Variants in DCAF5 observed in about 807,000 individuals in gnomAD.
DCAF5 encodes DDB1 and CUL4 associated factor 5, also known as DDB1- and CUL4-associated factor 5.
Under a neutral mutation model 80.7 loss-of-function variants are expected in DCAF5, and 9 were observed. The observed-to-expected ratio is 0.11, with a 90% CI of 0.07 to 0.19. DCAF5 has a LOEUF of 0.19. Among genes scored for constraint, DCAF5 ranks in the 10% least tolerant of loss-of-function variants. The pLI, the probability that DCAF5 is intolerant of heterozygous loss-of-function variation, is 1.00. For synonymous variants in DCAF5, 433 were observed against 461.9 expected, an observed-to-expected ratio of 0.94 and a Z score of 0.80; for missense variants, 842 against 1,205.7, an observed-to-expected ratio of 0.70 and a Z score of 4.47.
At chr14:69,123,245 T>C (rs189491169) in intron 1 of DCAF5, among the ~76,000 whole-genome samples, 5 of 152,344 alleles carry the variant, frequency 3.3e-5, no homozygotes, top group African/African-American at 9.6e-5. Flanking sequence ...ATGTAATCCA[T>C]TTGCATAAAA....
chr14:69,083,481 G>A (rs2139936009), intron 6 of DCAF5: 1 of 328,516 alleles, frequency 3.0e-6, no homozygotes, highest in Admixed American at 3.6e-5. Flanking sequence ...TAAAGTTGCA[G>A]GGGGCCTCAA....
chr14:69,141,382 C>T (rs1408197643), intron 1 of DCAF5, among the ~76,000 whole-genome samples: 1 of 151,524 alleles, frequency 6.6e-6, no homozygotes, highest in Non-Finnish European at 1.5e-5. Flanking sequence ...ACTTTAAGTT[C>T]TAGGGTACAT....
At chr14:69,080,913 A>AAAT (rs2039075115) in intron 6 of DCAF5, among the ~76,000 whole-genome samples, 1 of 152,236 alleles carries the variant, frequency 6.6e-6, no homozygotes, top group Admixed American at 6.5e-5. Context: ...TGAATATGAA[A>AAAT]AATTCATTGC....
chr14:69,138,506 C>CAATG (rs906770503), intron 1 of DCAF5, among the ~76,000 whole-genome samples: 6 of 152,194 alleles, frequency 3.9e-5, no homozygotes, highest in African/African-American at 1.4e-4. Flanking sequence ...ACTGCAGATA[C>CAATG]AATGTACTGG....
At chr14:69,122,133 A>G (rs1383010418) in intron 2 of DCAF5, 84 bp downstream of exon 2, 2 of 1,506,214 alleles carry the variant, frequency 1.3e-6, no homozygotes, top group Non-Finnish European at 1.8e-6. Flanking sequence ...AAATACAGGA[A>G]GAAAAATAAG....
At chr14:69,096,546 G>A (rs891809022) in intron 5 of DCAF5, among the ~76,000 whole-genome samples, 2 of 152,074 alleles carry the variant, frequency 1.3e-5, no homozygotes, top group South Asian at 2.1e-4. Context: ...TATGGATGGC[G>A]GGCACTGCAG....
intron 7 of DCAF5, among the ~76,000 whole-genome samples, chr14:69,064,178 G>C (rs989098852): frequency 2.6e-5 from 4 of 152,104 alleles, no homozygotes; most frequent in Non-Finnish European, 4.4e-5. Context: ...GGATAAATAG[G>C]AATCTAAAGA....
At chr14:69,147,949 G>A (rs936767536) in intron 1 of DCAF5, among the ~76,000 whole-genome samples, 2 of 151,958 alleles carry the variant, frequency 1.3e-5, no homozygotes, top group African/African-American at 4.8e-5. Context: ...ATTCCAAAGA[G>A]CCAAATCTTT....
chr14:69,072,119 A>G (rs1283720142), intron 7 of DCAF5, among the ~76,000 whole-genome samples: 1 of 152,212 alleles, frequency 6.6e-6, no homozygotes, highest in Non-Finnish European at 1.5e-5. Flanking sequence ...TTTGGCTTTT[A>G]AGAGCCATAG....
At chr14:69,140,512 T>C (rs1231470885) in intron 1 of DCAF5, among the ~76,000 whole-genome samples, 1 of 152,180 alleles carries the variant, frequency 6.6e-6, no homozygotes, top group Non-Finnish European at 1.5e-5. Context: ...AATATCAATA[T>C]CACATCCACT....
At chr14:69,066,612 T>G (rs1160976996) in intron 7 of DCAF5, among the ~76,000 whole-genome samples, 1 of 152,176 alleles carries the variant, frequency 6.6e-6, no homozygotes, top group Non-Finnish European at 1.5e-5. Flanking sequence ...GTATCAGTAA[T>G]CCACTTACTA....
At position 69,118,431 on chromosome 14, in the gene DCAF5, G is replaced by C. The variant is rs2040606084; in HGVS notation, c.396-153C>G. On this transcript the variant is annotated intron_variant, in intron 3 of 8. Transcript: ENST00000341516. The surrounding 1 kb of genome is among the most constrained non-coding windows in gnomAD (Gnocchi z 4.0). Reference sequence around the variant, plus strand: ...AAAATATTATATTTCCTGAAAGGTAGGTAGTCAACTTTCAGGTTAAAAAAA... The same window carrying C: ...AAAATATTATATTTCCTGAAAGGTACGTAGTCAACTTTCAGGTTAAAAAAA... Among the ~76,000 whole-genome samples the C allele has an allele frequency of 6.6e-6, 1 of 152,002 alleles. No homozygotes were observed. The highest frequency in any genetic ancestry group is 1.9e-4 in the East Asian group (1 of 5,184).
intron 1 of DCAF5, among the ~76,000 whole-genome samples, chr14:69,143,347 C>T (rs1241570889): frequency 6.6e-6 from 1 of 152,116 alleles, no homozygotes; most frequent in Non-Finnish European, 1.5e-5. Flanking sequence ...GGAAATCTAG[C>T]TCCACCATAA....
intron 6 of DCAF5, among the ~76,000 whole-genome samples, chr14:69,088,820 T>C (rs1259268203): frequency 6.6e-6 from 1 of 152,120 alleles, no homozygotes; most frequent in African/African-American, 2.4e-5. Context: ...CTATGGAAAC[T>C]GAAAGCAGAA....
At chr14:69,075,248 G>T in intron 7 of DCAF5, 97 bp downstream of exon 7, 1 of 825,532 alleles carries the variant, frequency 1.2e-6, no homozygotes, top group East Asian at 2.8e-5. Context: ...TAGAAATGTT[G>T]TCCTCTACTG....
chr14:69,054,508 T>C lies in DCAF5; in HGVS notation c.2178A>G (p.Glu726=), dbSNP rs200580853. The change falls in exon 9 of 9, where the codon GAA becomes GAG. Residue 726 remains glutamate, a synonymous_variant. Coordinates refer to ENST00000341516, the MANE Select transcript of DCAF5 (RefSeq NM_003861.3). ...CTTTAAAAGTGTCCTTGCTGCAGCCTTCAGGTGGCAGGTCCTGGTTCCTCT... is the reference window on the plus strand; with the variant it reads ...CTTTAAAAGTGTCCTTGCTGCAGCCCTCAGGTGGCAGGTCCTGGTTCCTCT... ...MAQRNQDLPP[E]GCSKDTFKEE... The C allele has an allele frequency of 1.9e-6, 3 of 1,614,172 alleles. No homozygotes were observed. The highest frequency in any genetic ancestry group is 1.3e-5 in the African/African-American group (1 of 75,044).
At chr14:69,114,564 C>T (rs1371238557) in intron 5 of DCAF5, among the ~76,000 whole-genome samples, 1 of 152,194 alleles carries the variant, frequency 6.6e-6, no homozygotes, top group African/African-American at 2.4e-5. Flanking sequence ...AAACTGTTCA[C>T]TGTAGTTACC....
chr14:69,096,400 T>C (rs929548869), intron 5 of DCAF5, among the ~76,000 whole-genome samples: 19 of 152,230 alleles, frequency 1.2e-4, no homozygotes, highest in Non-Finnish European at 2.8e-4. Context: ...TGGCTTGATA[T>C]ACAGATGAAT....
chr14:69,103,522 C>T (rs1358202127), intron 5 of DCAF5, among the ~76,000 whole-genome samples: 2 of 152,172 alleles, frequency 1.3e-5, no homozygotes, highest in Non-Finnish European at 2.9e-5. Context: ...CCAATGTTAC[C>T]ACCATCTTGC....
Sources: allele counts gnomAD v4.1 joint callset (sites outside exome capture counted in the v4.1 genomes callset), GRCh38; gene constraint gnomAD v4.1.1; non-coding constraint Gnocchi (gnomAD v3.1); transcripts MANE v1.5; gene names NCBI Gene and HGNC (gene_info 2026-07-23, HGNC 2026-07-21).